EPS8: variants seen among roughly 807,000 people sequenced by gnomAD.
EPS8 encodes epidermal growth factor receptor kinase substrate 8.
Under a neutral mutation model 103.8 loss-of-function variants are expected in EPS8, and 42 were observed. The ratio of observed to expected loss-of-function variants is 0.40; its 90% CI spans 0.32 to 0.52. EPS8 has a LOEUF of 0.52. Among genes scored for constraint, EPS8 ranks in the 20% least tolerant of loss-of-function variants. The pLI is 0.40. For synonymous variants in EPS8, 344 were observed against 344.6 expected, an observed-to-expected ratio of 1.00 and a Z score of 0.02; for missense variants, 969 against 1,005.1, an observed-to-expected ratio of 0.96 and a Z score of 0.49.
chr12:15,640,049 G>C (rs1025485762), intron 17 of EPS8, among the ~76,000 whole-genome samples: 1 of 152,196 alleles, frequency 6.6e-6, no homozygotes, highest in Non-Finnish European at 1.5e-5. Flanking sequence ...ATGTTAGGGT[G>C]AATGAGCTGA....
At chr12:15,730,446 T>C (rs1174980646) in intron 1 of EPS8, among the ~76,000 whole-genome samples, 1 of 152,122 alleles carries the variant, frequency 6.6e-6, no homozygotes, top group African/African-American at 2.4e-5. Context: ...TTAACCTATA[T>C]TGGGGAGTAT....
In EPS8 at chr12:15,714,227, T is replaced by C. The variant is rs1946502931; in HGVS notation, c.-21-31255A>G. On this transcript the variant is annotated intron_variant, in intron 1 of 20. Coordinates refer to ENST00000281172, the MANE Select transcript of EPS8 (RefSeq NM_004447.6). The surrounding 1 kb of genome is among the most constrained non-coding windows in gnomAD (Gnocchi z 4.1). ...TTGAGTGCTCAACTGATTTTTAATA[T>C]GAAGACACCAAAAAAGTATATTTAA... Among the ~76,000 whole-genome samples the C allele has an allele frequency of 1.3e-5, 2 of 151,844 alleles. No homozygotes were observed. Among genetic ancestry groups the C allele is most frequent in the Admixed American group, 6.6e-5 (1 of 15,260 alleles).
rs1203727715 is a variant in EPS8, at chr12:15,725,789, T to C, written c.-21-42817A>G. 1.3e-5 allele frequency among the ~76,000 whole-genome samples: 2 copies of C among 152,250 alleles called. No individual in the cohort carries two copies. Among genetic ancestry groups the C allele is most frequent in the African/African-American group, 2.4e-5 (1 of 41,468 alleles). ...ACAAGCTCTGTCAACATACAAGTTT[T>C]ATTATATATTTATCAGATGTGTGTC... On this transcript the variant is annotated intron_variant, in intron 1 of 20. Transcript: ENST00000281172. The surrounding 1 kb of genome is among the most constrained non-coding windows in gnomAD (Gnocchi z 4.5).
rs568619862 is a variant in EPS8 at position 15,769,670 on chromosome 12, C to G, written c.-22+19491G>C. 2.8e-4 allele frequency among the ~76,000 whole-genome samples: 42 copies of G among 152,126 alleles called. No individual in the cohort carries two copies. The highest frequency in any genetic ancestry group is 4.6e-4 in the Non-Finnish European group (31 of 68,008). ...GCACATCACGAGAATATTCAAGACT[C>G]TATTGAATTTCTCCCCAAACAATGA... On this transcript the variant is annotated intron_variant, in intron 1 of 20. Coordinates refer to ENST00000281172, the MANE Select transcript of EPS8 (RefSeq NM_004447.6). The surrounding 1 kb of genome is among the most constrained non-coding windows in gnomAD (Gnocchi z 4.6).
intron 1 of EPS8, among the ~76,000 whole-genome samples, chr12:15,770,526 A>AAAAGAGT (rs1332530294): frequency 2.0e-5 from 3 of 152,150 alleles, no homozygotes; most frequent in Non-Finnish European, 4.4e-5. Context: ...GAAAGGATAG[A>AAAAGAGT]AAAGAGTCAG....
chr12:15,762,721 A>G lies in EPS8; in HGVS notation c.-22+26440T>C, dbSNP rs1947054525. ...CATTTATTTGCAGAATCTAGAAATA[A>G]AAACAATTGAACTCATGGAGAGAGA... On this transcript the variant is annotated intron_variant, in intron 1 of 20. Coordinates refer to ENST00000281172, the MANE Select transcript of EPS8 (RefSeq NM_004447.6). This position sits in a 1 kb window ranked among gnomAD's most constrained non-coding sequence, Gnocchi z 4.8. Among the ~76,000 whole-genome samples, 1 of 152,232 alleles carries G rather than the reference A, an allele frequency of 6.6e-6. No individual in the cohort carries two copies. The highest frequency in any genetic ancestry group is 2.4e-5 in the African/African-American group (1 of 41,464).
intron 1 of EPS8, among the ~76,000 whole-genome samples, chr12:15,768,178 G>A (rs1242960886): frequency 1.3e-5 from 2 of 152,022 alleles, no homozygotes; most frequent in African/African-American, 4.8e-5. Context: ...GGTGGCTCAC[G>A]TTTGTAATCC....
At position 15,780,200 on chromosome 12, in the gene EPS8, T is replaced by C. The variant is rs939105967; in HGVS notation, c.-22+8961A>G. 2.0e-5 allele frequency: 3 copies of C among 152,272 alleles called. No individual in the cohort carries two copies. Among genetic ancestry groups the C allele is most frequent in the Middle Eastern group, 3.4e-3 (1 of 294 alleles). The allele number at this position is 152,272 out of a possible 1,614,324, so 9.4% of individuals were successfully genotyped here. A position where few individuals can be genotyped will look rare whatever the true frequency, so the allele number is the denominator to read the frequency against. On this transcript the variant is annotated intron_variant, in intron 1 of 20. Transcript: ENST00000281172. This position sits in a 1 kb window ranked among gnomAD's most constrained non-coding sequence, Gnocchi z 4.1. ...CTACAATGTAATGAATACTCTATTG[T>C]ATTGTTACTTACAAAAATGAAAAAT...
chr12:15,642,796 T>C (rs1319217452), intron 15 of EPS8, among the ~76,000 whole-genome samples: 1 of 152,176 alleles, frequency 6.6e-6, no homozygotes, highest in Non-Finnish European at 1.5e-5. Flanking sequence ...TGGAATGTTA[T>C]ACCAGGGCCT....
chr12:15,647,340 C>T (rs1945337654), intron 14 of EPS8, 80 bp from the exon 15 acceptor site: 1 of 1,252,270 alleles, frequency 8.0e-7, no homozygotes, highest in Non-Finnish European at 1.1e-6. Context: ...CAAGATCTCT[C>T]AACTATATTG....
At chr12:15,675,690 T>C (rs952923268) in intron 3 of EPS8, among the ~76,000 whole-genome samples, 13 of 151,648 alleles carry the variant, frequency 8.6e-5, no homozygotes, top group Non-Finnish European at 1.6e-4. Context: ...ATCTCAAAGT[T>C]AACTGTAGGT....
rs560632294 is a variant in EPS8, at chr12:15,693,444, A to G, written c.-21-10472T>C. On this transcript the variant is annotated intron_variant, in intron 1 of 20. Transcript: ENST00000281172. This position sits in a 1 kb window ranked among gnomAD's most constrained non-coding sequence, Gnocchi z 5.6. ...TGGGATCCAAGTTCACTTTAAACAC[A>G]TGACTAATAAATCCTACTATTCTTA... 4.6e-5 allele frequency among the ~76,000 whole-genome samples: 7 copies of G among 152,184 alleles called. No individual in the cohort carries two copies. Among genetic ancestry groups the G allele is most frequent in the Non-Finnish European group, 7.3e-5 (5 of 68,036 alleles).
chr12:15,689,362 C>G (rs1172206819), intron 1 of EPS8, among the ~76,000 whole-genome samples: 1 of 152,004 alleles, frequency 6.6e-6, no homozygotes, highest in African/African-American at 2.4e-5. Flanking sequence ...TCCATAACAG[C>G]ACCACATGCT....
At chr12:15,624,121 T>C (rs1222849679) in intron 19 of EPS8, 106 bp downstream of exon 19, 2 of 851,342 alleles carry the variant, frequency 2.3e-6, no homozygotes, top group Non-Finnish European at 3.8e-6. Context: ...GTATGCAGTC[T>C]GTGCCCTTAT....
chr12:15,654,370 T>C lies in EPS8; in HGVS notation c.1102-77A>G, dbSNP rs184515183. The C allele has an allele frequency of 3.5e-4, 468 of 1,339,472 alleles. 1 individual carries two copies. The highest frequency in any genetic ancestry group is 1.3e-3 in the Middle Eastern group (7 of 5,214). The allele number at this position is 1,339,472 out of a possible 1,614,324, so 83.0% of individuals were successfully genotyped here. The stretch of plus-strand genomic sequence containing the variant: ...TTCAAAATGTGTGGACAAAAACCCA[T>C]GGCAAAAACAAGCACTACTTTTTAA... On this transcript the variant is annotated intron_variant, in intron 12 of 20. Transcript: ENST00000281172.
chr12:15,681,569 G>A (rs1422483936), intron 2 of EPS8, among the ~76,000 whole-genome samples: 3 of 151,002 alleles, frequency 2.0e-5, no homozygotes, highest in Admixed American at 6.6e-5. Context: ...CATCTCTACC[G>A]AAAATACAAA....
At chr12:15,722,889 T>C (rs772060424) in intron 1 of EPS8, among the ~76,000 whole-genome samples, 3 of 151,986 alleles carry the variant, frequency 2.0e-5, no homozygotes, top group Non-Finnish European at 4.4e-5. Context: ...ACATCGAAGA[T>C]TAGGTTTCAA....
At chr12:15,665,735 A>G in intron 8 of EPS8, 21 bp downstream of exon 8, 1 of 1,612,922 alleles carries the variant, frequency 6.2e-7, no homozygotes. Flanking sequence ...TTCAATAAGT[A>G]TTAATTCTAG....
rs1158578392 is a variant in EPS8 at position 15,736,712 on chromosome 12, A to C, written c.-22+52449T>G. 6.6e-6 allele frequency among the ~76,000 whole-genome samples: 1 copy of C among 152,202 alleles called. No individual in the cohort carries two copies. ...AAGAAAGAAATTGGTGTATTATGAT[A>C]ATGAGAGAAAAATAATACATAAGAT... is the stretch of plus-strand genomic sequence containing the variant. On this transcript the variant is annotated intron_variant, in intron 1 of 20. Coordinates refer to ENST00000281172, the MANE Select transcript of EPS8 (RefSeq NM_004447.6). This position sits in a 1 kb window ranked among gnomAD's most constrained non-coding sequence, Gnocchi z 4.2.
Sources: gnomAD v4.1 joint callset for allele counts (sites outside exome capture counted in the v4.1 genomes callset) on GRCh38, gnomAD v4.1.1 for gene constraint, Gnocchi (gnomAD v3.1) non-coding constraint, MANE v1.5 for transcripts, NCBI Gene and HGNC (gene_info 2026-07-23, HGNC 2026-07-21) for gene names.